The following ASB9 variants were observed in gnomAD, a reference collection of about 807,000 sequenced individuals.
ASB9 encodes the protein ankyrin repeat and SOCS box protein 9.
A neutral mutation model predicts 16.6 loss-of-function variants in ASB9; 5 were observed. That is an observed-to-expected ratio of 0.30 (90% CI 0.16 to 0.63). ASB9 has a LOEUF of 0.63. Among genes scored for constraint, ASB9 ranks in the 30% least tolerant of loss-of-function variants. The probability of loss-of-function intolerance (pLI) is 0.82; values close to 1 mark genes in which losing one functional copy is unlikely to be tolerated. For missense variants in ASB9, 216 were observed against 229.4 expected (o/e 0.94, Z 0.38); for synonymous variants, 100 against 86.4 (o/e 1.16, Z -0.87).
intron 1 of ASB9, among the ~76,000 whole-genome samples, chrX:15,268,334 AAAAAC>A (rs201223101): frequency 2.7e-4 from 28 of 104,348 alleles, no homozygotes; most frequent in African/African-American, 9.9e-4. Flanking sequence ...TCCGTCTCAA[AAAAAC>A]AAAACAAAAC....
chrX:15,248,989 G>C (rs866554189), intron 5 of ASB9, 54 bp from the exon 6 acceptor site: 7 of 1,062,680 alleles, frequency 6.6e-6, no homozygotes, highest in Non-Finnish European at 7.3e-6. Context: ...TCCAACCATC[G>C]GGGCTTTTCA....
At chrX:15,268,205 G>A (rs781035268) in intron 1 of ASB9, among the ~76,000 whole-genome samples, 164 of 107,815 alleles carry the variant, frequency 1.5e-3, no homozygotes, top group Non-Finnish European at 2.0e-3. Context: ...GGTGGCGGGC[G>A]CTTATAATCC....
chrX:15,256,138 A>G (rs1925513792), intron 2 of ASB9, among the ~76,000 whole-genome samples: 1 of 110,435 alleles, frequency 9.1e-6, no homozygotes, highest in Non-Finnish European at 1.9e-5. Context: ...TCAAAGGAAT[A>G]TTTTGTGACA....
chrX:15,267,417 A>AAAT (rs780282231), intron 1 of ASB9, among the ~76,000 whole-genome samples: 9,832 of 75,313 alleles, frequency 0.13, 338 homozygotes, highest in East Asian at 0.25. Flanking sequence ...CTAAAAAAAA[A>AAAT]ATATATATAT....
chrX:15,267,421 T>TATATAAAAATAC (rs1569162066), intron 1 of ASB9, among the ~76,000 whole-genome samples: 5 of 73,781 alleles, frequency 6.8e-5, no homozygotes, highest in African/African-American at 2.8e-4. Flanking sequence ...AAAAAAAATA[T>TATATAAAAATAC]ATATATATAT....
At chrX:15,255,564 C>A (rs1925467561) in intron 2 of ASB9, among the ~76,000 whole-genome samples, 1 of 111,381 alleles carries the variant, frequency 9.0e-6, no homozygotes, top group South Asian at 3.8e-4. Context: ...CATTTCCTGA[C>A]CTGGGGAGGC....
At chrX:15,256,724 G>GC (rs772331420) in intron 2 of ASB9, among the ~76,000 whole-genome samples, 3 of 92,781 alleles carry the variant, frequency 3.2e-5, no homozygotes, top group African/African-American at 1.2e-4. Flanking sequence ...CCTGCAGTGA[G>GC]CCGAGATGGC....
At chrX:15,264,060 C>T (rs1426761406) in intron 1 of ASB9, among the ~76,000 whole-genome samples, 2 of 111,898 alleles carry the variant, frequency 1.8e-5, no homozygotes, top group East Asian at 5.6e-4. Context: ...GTCCTAGAGG[C>T]TAGCAGTTGG....
At position 15,244,597 on chromosome X, in the gene ASB9, C is replaced by A; in HGVS notation, c.794G>T (p.Arg265Ile). The change falls in exon 7 of 7, where the codon AGA becomes ATA. Residue 265 changes from arginine (R) to isoleucine (I), a missense_variant. Physicochemically the swap from Arg to Ile is moderately conservative, Grantham distance 97. Coordinates refer to ENST00000380488, the MANE Select transcript of ASB9 (RefSeq NM_001031739.3). Reference protein sequence around the residue: ...PPSLMQLCRLRIRKCFGIQQH... With the variant: ...PPSLMQLCRLIIRKCFGIQQH... ...CTGGATTCCAAAACACTTCCGAATTCTAAGGCGGCATAACTGCATCAAAGA... is the reference window on the plus strand; with the variant it reads ...CTGGATTCCAAAACACTTCCGAATTATAAGGCGGCATAACTGCATCAAAGA... 8.3e-7 allele frequency: 1 copy of A among 1,203,377 alleles called. No individual in the cohort carries two copies. Among genetic ancestry groups the A allele is most frequent in the Non-Finnish European group, 1.1e-6 (1 of 889,268 alleles).
intron 1 of ASB9, among the ~76,000 whole-genome samples, chrX:15,261,487 C>T (rs1478923633): frequency 9.0e-6 from 1 of 111,596 alleles, no homozygotes; most frequent in African/African-American, 3.3e-5. Context: ...AGATTGCATC[C>T]TAATTTGTAA....
Position 15,269,821 on chromosome X carries a change from G to A in ASB9, c.54C>T (p.Asp18=), listed in dbSNP as rs11537782. The A allele has an allele frequency of 8.3e-7, 1 of 1,207,999 alleles. No homozygotes were observed. The change falls in exon 1 of 7, where the codon GAC becomes GAT. Residue 18 remains aspartate (D), a synonymous_variant. Transcript: ENST00000380488. ...MDGSKPAGPR[D]FPGIRLLSNP... is the part of the protein sequence containing the mutation. ...TTGAAAGAAGCCTGATGCCAGGAAA[G>A]TCCCTTGGCCCCGCGGGCTTGCTCC...
rs761036835 is a variant in ASB9, at chrX:15,269,836, G to A, written c.39C>T (p.Pro13=). Residue 13 remains proline, a synonymous_variant, in exon 1 of 7, where the codon CCC becomes CCT. Coordinates refer to ENST00000380488, the MANE Select transcript of ASB9 (RefSeq NM_001031739.3). The part of the protein sequence containing the change: ...GKQGGMDGSK[P]AGPRDFPGIR... The stretch of plus-strand genomic sequence containing the variant: ...TGCCAGGAAAGTCCCTTGGCCCCGC[G>A]GGCTTGCTCCCATCCATGCCCCCTT... The A allele has an allele frequency of 2.5e-6, 3 of 1,207,218 alleles. No homozygotes were observed. The highest frequency in any genetic ancestry group is 1.1e-6 in the Non-Finnish European group (1 of 893,417).
intron 4 of ASB9, among the ~76,000 whole-genome samples, chrX:15,252,042 G>A (rs60580624): frequency 0.13 from 14,527 of 111,643 alleles, 1,474 homozygotes; most frequent in African/African-American, 0.34. Context: ...AAAATACAGA[G>A]GGCTGAGCCC....
At chrX:15,253,614 T>C in intron 3 of ASB9, among the ~76,000 whole-genome samples, 1 of 111,406 alleles carries the variant, frequency 9.0e-6, no homozygotes, top group Non-Finnish European at 1.9e-5. Context: ...ATTAAAAAAA[T>C]AAAAACATAA....
intron 1 of ASB9, among the ~76,000 whole-genome samples, chrX:15,260,777 T>C (rs191137345): frequency 8.5e-4 from 96 of 112,457 alleles, no homozygotes; most frequent in Non-Finnish European, 5.3e-4. Flanking sequence ...TGAAAGGCTA[T>C]GAAGTATCCT....
intron 4 of ASB9, 144 bp from the exon 5 acceptor site, chrX:15,250,708 G>T: frequency 8.1e-6 from 4 of 494,063 alleles, no homozygotes; most frequent in Non-Finnish European, 1.3e-5. Context: ...AATCAGGAGT[G>T]ATTTTATTTT....
intron 1 of ASB9, among the ~76,000 whole-genome samples, chrX:15,263,911 G>A (rs753417461): frequency 9.0e-6 from 1 of 111,509 alleles, no homozygotes; most frequent in African/African-American, 3.3e-5. Context: ...CCTGCTTGGT[G>A]GAATTATGGG....
chrX:15,255,100 T>C (rs112871641), intron 2 of ASB9, among the ~76,000 whole-genome samples: 27 of 111,845 alleles, frequency 2.4e-4, no homozygotes, highest in African/African-American at 8.4e-4. Flanking sequence ...ACTCAGCAAT[T>C]TGACTCTTAG....
At chrX:15,256,340 C>T (rs1381130724) in intron 2 of ASB9, among the ~76,000 whole-genome samples, 5 of 73,769 alleles carry the variant, frequency 6.8e-5, no homozygotes, top group Admixed American at 1.9e-4. Flanking sequence ...TTTTTTGAGA[C>T]GATGTCTTGC....
Sources: allele counts gnomAD v4.1 joint callset (sites outside exome capture counted in the v4.1 genomes callset), GRCh38; gene constraint gnomAD v4.1.1; transcripts MANE v1.5; gene names NCBI Gene and HGNC (gene_info 2026-07-23, HGNC 2026-07-21).